The following CMTM3 variants were observed in gnomAD, a reference collection of about 807,000 sequenced individuals.
CMTM3 encodes CKLF-like MARVEL transmembrane domain-containing protein 3.
Under a neutral mutation model 18.2 loss-of-function variants are expected in CMTM3, and 7 were observed. The ratio of observed to expected loss-of-function variants is 0.38; its 90% CI spans 0.22 to 0.72. The LOEUF (loss-of-function observed/expected upper bound fraction) is 0.72. Ranked by LOEUF, CMTM3 falls within the 30% of genes least tolerant of loss-of-function variation. The pLI, the probability that CMTM3 is intolerant of heterozygous loss-of-function variation, is 0.46. For synonymous variants in CMTM3, 109 were observed against 111.2 expected, an observed-to-expected ratio of 0.98 and a Z score of 0.12; for missense variants, 227 against 249.2, an observed-to-expected ratio of 0.91 and a Z score of 0.60.
chr16:66,613,117 A>T lies in CMTM3; in HGVS notation c.*480A>T, dbSNP rs534442600. 7.1e-6 allele frequency: 5 copies of T among 703,036 alleles called. No homozygotes were observed. The South Asian group carries it at 7.4e-5, about 10-fold the overall frequency. 43.5% of individuals were successfully genotyped at this position (703,036 alleles called of 1,614,324 possible). On this transcript the variant is annotated 3_prime_UTR_variant, in exon 5 of 5. Coordinates refer to ENST00000567572, the MANE Select transcript of CMTM3 (RefSeq NM_181553.4). Reference sequence around the variant, plus strand: ...CCTGCCCACACCAGCCACTTTGGTGACAATGACCCTTCCAAGAATCTTTGG... The same window carrying T: ...CCTGCCCACACCAGCCACTTTGGTGTCAATGACCCTTCCAAGAATCTTTGG...
Position 66,605,042 on chromosome 16 carries a change from G to C in CMTM3, c.147+90G>C, listed in dbSNP as rs1407382885. Reference sequence around the variant, plus strand: ...CGGGGCGCGGGTGGGGTCCGGGGGCGGCCGCCGTGCTCCGATACCCCCTCT... The same window carrying C: ...CGGGGCGCGGGTGGGGTCCGGGGGCCGCCGCCGTGCTCCGATACCCCCTCT... On this transcript the variant is annotated intron_variant, in intron 1 of 4. Coordinates refer to ENST00000567572, the MANE Select transcript of CMTM3 (RefSeq NM_181553.4). The surrounding 1 kb of genome is among the most constrained non-coding windows in gnomAD (Gnocchi z 4.6). 1 of 1,209,106 alleles carries C rather than the reference G, an allele frequency of 8.3e-7. No homozygotes were observed. Among genetic ancestry groups the C allele is most frequent in the Admixed American group, 4.2e-5 (1 of 24,084 alleles). 74.9% of individuals were successfully genotyped at this position (1,209,106 alleles called of 1,614,324 possible). A position where few individuals can be genotyped will look rare whatever the true frequency, so the allele number is the denominator to read the frequency against.
At chr16:66,607,717 T>G (rs1395137573) in intron 1 of CMTM3, among the ~76,000 whole-genome samples, 1 of 152,136 alleles carries the variant, frequency 6.6e-6, no homozygotes, top group Non-Finnish European at 1.5e-5. Context: ...TGCATGTGCT[T>G]GGAAGGCTGG....
In CMTM3 at chr16:66,612,232, C is replaced by G. The variant is rs2015403613; in HGVS notation, c.521-377C>G. 1.3e-5 allele frequency among the ~76,000 whole-genome samples: 2 copies of G among 152,144 alleles called. No homozygotes were observed. Among genetic ancestry groups the G allele is most frequent in the Non-Finnish European group, 2.9e-5 (2 of 68,022 alleles). Reference sequence around the variant, plus strand: ...GAGTTCAAGACCAGCCTGGTGAAAGCCCATCTCTACTAAAAGTACAAAAAT... The same window carrying G: ...GAGTTCAAGACCAGCCTGGTGAAAGGCCATCTCTACTAAAAGTACAAAAAT... On this transcript the variant is annotated intron_variant, in intron 4 of 4. Transcript: ENST00000567572. This position sits in a 1 kb window ranked among gnomAD's most constrained non-coding sequence, Gnocchi z 6.0.
chr16:66,611,679 G>A (rs1424067524), intron 4 of CMTM3, among the ~76,000 whole-genome samples: 1 of 152,066 alleles, frequency 6.6e-6, no homozygotes, highest in African/African-American at 2.4e-5. Flanking sequence ...GGGTGGGGTT[G>A]GGGGTTAGTG....
rs2015335091 is a variant in CMTM3 at position 66,610,476 on chromosome 16, TGAC to T, written c.520+477_520+479del. ...GGGGAGGGGCCAGATGGGGCAGCAA[TGAC>T]GACAGTAAAACAGGAGCCGATAGAG... On this transcript the variant is annotated intron_variant, in intron 4 of 4. Coordinates refer to ENST00000567572, the MANE Select transcript of CMTM3 (RefSeq NM_181553.4). This position sits in a 1 kb window ranked among gnomAD's most constrained non-coding sequence, Gnocchi z 4.6. 6.6e-6 allele frequency among the ~76,000 whole-genome samples: 1 copy of T among 152,048 alleles called. No individual in the cohort carries two copies. The highest frequency in any genetic ancestry group is 2.4e-5 in the African/African-American group (1 of 41,386).
rs2015402219 is a variant in CMTM3 at position 66,612,206 on chromosome 16, G to A, written c.521-403G>A. ...GAGGTGGGTAGATCACCTGAGGTCAGGAGTTCAAGACCAGCCTGGTGAAAG... is the reference window on the plus strand; with the variant it reads ...GAGGTGGGTAGATCACCTGAGGTCAAGAGTTCAAGACCAGCCTGGTGAAAG... On this transcript the variant is annotated intron_variant, in intron 4 of 4. Transcript: ENST00000567572. The surrounding 1 kb of genome is among the most constrained non-coding windows in gnomAD (Gnocchi z 6.0). Among the ~76,000 whole-genome samples, 1 of 152,168 alleles carries A rather than the reference G, an allele frequency of 6.6e-6. No homozygotes were observed.
In CMTM3 at chr16:66,605,089, C is replaced by T. The variant is rs2015087771; in HGVS notation, c.147+137C>T. On this transcript the variant is annotated intron_variant, in intron 1 of 4. Transcript: ENST00000567572. The surrounding 1 kb of genome is among the most constrained non-coding windows in gnomAD (Gnocchi z 4.6). ...CTCTCCGCGCCGCCTCGGCCGACTT[C>T]TCTCGGGCGCCTGGCGAAGTTGGGT... 5.9e-6 allele frequency: 5 copies of T among 853,694 alleles called. No individual in the cohort carries two copies. Among genetic ancestry groups the T allele is most frequent in the Non-Finnish European group, 8.0e-6 (5 of 627,586 alleles). 52.9% of individuals were successfully genotyped at this position (853,694 alleles called of 1,614,324 possible).
chr16:66,605,418 CG>C lies in CMTM3; in HGVS notation c.147+469del, dbSNP rs1310227357. 1 of 153,672 alleles carries C rather than the reference CG, an allele frequency of 6.5e-6. No individual in the cohort carries two copies. Among genetic ancestry groups the C allele is most frequent in the East Asian group, 1.9e-4 (1 of 5,220 alleles). The allele number at this position is 153,672 out of a possible 1,614,324, so 9.5% of individuals were successfully genotyped here. A position where few individuals can be genotyped will look rare whatever the true frequency, so the allele number is the denominator to read the frequency against. ...CGGAGCGGGAGGGATCCCCCACCCC[CG>C]GGACTGGGTGAGGCGGCCCCGCGGT... On this transcript the variant is annotated intron_variant, in intron 1 of 4. Transcript: ENST00000567572. The surrounding 1 kb of genome is among the most constrained non-coding windows in gnomAD (Gnocchi z 4.6).
rs1020413577 is a variant in CMTM3 at position 66,612,567 on chromosome 16, C to T, written c.521-42C>T. 3.7e-6 allele frequency: 6 copies of T among 1,609,868 alleles called. No homozygotes were observed. The highest frequency in any genetic ancestry group is 4.2e-6 in the Non-Finnish European group (5 of 1,176,966). ...CAGAGACCGTTCCCAGGCACCGCTG[C>T]CCTGAGCCTCCTGCCAAGCATCCTC... is the stretch of plus-strand genomic sequence containing the variant. On this transcript the variant is annotated intron_variant, in intron 4 of 4. Transcript: ENST00000567572. This position sits in a 1 kb window ranked among gnomAD's most constrained non-coding sequence, Gnocchi z 6.0.
At chr16:66,606,821 T>C (rs972152269) in intron 1 of CMTM3, among the ~76,000 whole-genome samples, 2 of 151,824 alleles carry the variant, frequency 1.3e-5, no homozygotes, top group African/African-American at 4.9e-5. Flanking sequence ...GGTGAAACCC[T>C]GTCTCTACTA....
intron 1 of CMTM3, among the ~76,000 whole-genome samples, chr16:66,607,776 G>A (rs909662733): frequency 6.6e-6 from 1 of 152,030 alleles, no homozygotes; most frequent in Non-Finnish European, 1.5e-5. Flanking sequence ...GTAAGGTGAG[G>A]ACTCAGGGCC....
chr16:66,608,428 G>A lies in CMTM3; in HGVS notation c.267G>A (p.Leu89=), dbSNP rs1042642546. 6.2e-7 allele frequency: 1 copy of A among 1,614,060 alleles called. No individual in the cohort carries two copies. The highest frequency in any genetic ancestry group is 1.3e-5 in the African/African-American group (1 of 74,948). The change falls in exon 2 of 5, where the codon CTG becomes CTA. Residue 89 remains leucine (L), a synonymous_variant. Transcript: ENST00000567572. The surrounding 1 kb of genome is among the most constrained non-coding windows in gnomAD (Gnocchi z 5.1). ...TCCTCTTTGCTGATGCCATGCAGCT[G>A]AATGACAAGTGGCAGGGCTTGTGCT... The part of the protein sequence containing the change: ...LYFLFADAMQ[L]NDKWQGLCWP...
At position 66,612,518 on chromosome 16, in the gene CMTM3, G is replaced by A; in HGVS notation, c.521-91G>A. ...GCAGGAGGCCTGCACCCAGGCTCCTGCCAGCAACCCAGCTGTGCTTCCCCA... is the reference window on the plus strand; with the variant it reads ...GCAGGAGGCCTGCACCCAGGCTCCTACCAGCAACCCAGCTGTGCTTCCCCA... On this transcript the variant is annotated intron_variant, in intron 4 of 4. Transcript: ENST00000567572. The surrounding 1 kb of genome is among the most constrained non-coding windows in gnomAD (Gnocchi z 6.0). The A allele has an allele frequency of 1.4e-6, 2 of 1,393,322 alleles. No homozygotes were observed. Among genetic ancestry groups the A allele is most frequent in the Non-Finnish European group, 1.0e-6 (1 of 996,496 alleles). 86.3% of individuals were successfully genotyped at this position (1,393,322 alleles called of 1,614,324 possible). A position where few individuals can be genotyped will look rare whatever the true frequency, so the allele number is the denominator to read the frequency against.
At position 66,604,823 on chromosome 16, in the gene CMTM3, CGACCCCGACCCG is replaced by C. The variant is rs1206416971; in HGVS notation, c.27_38del (p.Asp9_Pro12del). On this transcript the variant is annotated inframe_deletion, in exon 1 of 5. Coordinates refer to ENST00000567572, the MANE Select transcript of CMTM3 (RefSeq NM_181553.4). ...CCGCCGCCATGTGGCCCCCAGACCCCGACCCCGACCCGGACCCCGAGCCTGCCGGCGGCTCCC... is the reference window on the plus strand; with the variant it reads ...CCGCCGCCATGTGGCCCCCAGACCCCGACCCCGAGCCTGCCGGCGGCTCCC... The C allele has an allele frequency of 2.5e-5, 33 of 1,304,204 alleles. No homozygotes were observed. In the African/African-American group the frequency reaches 4.2e-4, roughly 17 times the overall value. The allele number at this position is 1,304,204 out of a possible 1,614,324, so 80.8% of individuals were successfully genotyped here.
intron 4 of CMTM3, chr16:66,611,099 A>G (rs940304212): frequency 2.6e-6 from 1 of 388,780 alleles, no homozygotes; most frequent in Non-Finnish European, 4.5e-6. Context: ...TACTATTTGG[A>G]GAGTTTCACA....
At position 66,608,309 on chromosome 16, in the gene CMTM3, G is replaced by A; in HGVS notation, c.148G>A (p.Gly50Ser). Residue 50 changes from glycine to serine, a missense_variant and splice_region_variant, in exon 2 of 5, where the codon GGT becomes AGT. Coordinates refer to ENST00000567572, the MANE Select transcript of CMTM3 (RefSeq NM_181553.4). The surrounding 1 kb of genome is among the most constrained non-coding windows in gnomAD (Gnocchi z 5.1). ...TTCACCTCAAACTCCTTCCCCGCAG[G>A]GTCTCTCATTCATCACTTTTATCTG... ...LKGRLLLAES[G>S]LSFITFICYV... 6.2e-7 allele frequency: 1 copy of A among 1,614,152 alleles called. No individual in the cohort carries two copies. The highest frequency in any genetic ancestry group is 1.7e-5 in the Admixed American group (1 of 60,016).
At position 66,610,077 on chromosome 16, in the gene CMTM3, T is replaced by G. The variant is rs1368462312; in HGVS notation, c.520+74T>G. 11 of 1,580,418 alleles carry G rather than the reference T, an allele frequency of 7.0e-6. No homozygotes were observed. Among genetic ancestry groups the G allele is most frequent in the Middle Eastern group, 1.7e-4 (1 of 5,778 alleles). On this transcript the variant is annotated intron_variant, in intron 4 of 4. Transcript: ENST00000567572. The surrounding 1 kb of genome is among the most constrained non-coding windows in gnomAD (Gnocchi z 4.6). Reference sequence around the variant, plus strand: ...CCTCCCTCGGGGATGCCAGCTAGTTTGAGGCTGGGGTGGGATCATTTCCTC... The same window carrying G: ...CCTCCCTCGGGGATGCCAGCTAGTTGGAGGCTGGGGTGGGATCATTTCCTC...
Position 66,612,588 on chromosome 16 carries a change from T to G in CMTM3, c.521-21T>G. 6.2e-7 allele frequency: 1 copy of G among 1,613,722 alleles called. No individual in the cohort carries two copies. The highest frequency in any genetic ancestry group is 8.5e-7 in the Non-Finnish European group (1 of 1,179,828). On this transcript the variant is annotated intron_variant, in intron 4 of 4. Coordinates refer to ENST00000567572, the MANE Select transcript of CMTM3 (RefSeq NM_181553.4). The surrounding 1 kb of genome is among the most constrained non-coding windows in gnomAD (Gnocchi z 6.0). ...GCTGCCCTGAGCCTCCTGCCAAGCA[T>G]CCTCTCTGCTTTCCTTTCAGAAGAG...
chr16:66,611,444 A>C (rs1166896189), intron 4 of CMTM3, among the ~76,000 whole-genome samples: 1 of 151,788 alleles, frequency 6.6e-6, no homozygotes, highest in Non-Finnish European at 1.5e-5. Flanking sequence ...GTGAGACTCC[A>C]TCTCGGGGGG....
Sources: gnomAD v4.1 joint callset for allele counts (sites outside exome capture counted in the v4.1 genomes callset) on GRCh38, gnomAD v4.1.1 for gene constraint, Gnocchi (gnomAD v3.1) non-coding constraint, MANE v1.5 for transcripts, NCBI Gene and HGNC (gene_info 2026-07-23, HGNC 2026-07-21) for gene names.